NELL1: variants seen among roughly 807,000 people sequenced by gnomAD.
NELL1 encodes the protein protein kinase C-binding protein NELL1.
A neutral mutation model predicts 107.4 loss-of-function variants in NELL1; 76 were observed. That is an observed-to-expected ratio of 0.71 (90% CI 0.59 to 0.86). The LOEUF (loss-of-function observed/expected upper bound fraction) is 0.86. NELL1 is among the 40% of genes least tolerant of loss of function. The pLI, the probability that NELL1 is intolerant of heterozygous loss-of-function variation, is 0.00. For missense variants in NELL1, 1,024 were observed against 1,005.5 expected (o/e 1.02, Z -0.25); for synonymous variants, 353 against 341.2 (o/e 1.03, Z -0.38).
chr11:20,756,484 C>T (rs2133952033), intron 2 of NELL1, among the ~76,000 whole-genome samples: 1 of 150,518 alleles, frequency 6.6e-6, no homozygotes, highest in African/African-American at 2.4e-5. Context: ...GACTTATAGG[C>T]ACCTGAGATG....
chr11:21,056,389 G>A (rs944331126), intron 12 of NELL1, among the ~76,000 whole-genome samples: 29 of 152,152 alleles, frequency 1.9e-4, no homozygotes, highest in African/African-American at 6.5e-4. Flanking sequence ...GTAGCAGAAA[G>A]ACTTCCCCTC....
rs76246921 is a variant in NELL1 at position 20,856,915 on chromosome 11, T to C, written c.506+9162T>C. ...ATCTTATAGATGGGAGGTTTTGAGATGCTAAGTGTAAGGTACATGGATGTG... is the reference window on the plus strand; with the variant it reads ...ATCTTATAGATGGGAGGTTTTGAGACGCTAAGTGTAAGGTACATGGATGTG... On this transcript the variant is annotated intron_variant, in intron 4 of 19. Transcript: ENST00000357134. Among the ~76,000 whole-genome samples, 471 of 152,264 alleles carry C rather than the reference T, an allele frequency of 3.1e-3. 2 individuals carry two copies. The highest frequency in any genetic ancestry group is 0.01 in the Middle Eastern group (3 of 294).
chr11:21,158,866 T>C (rs1036837575), intron 13 of NELL1, among the ~76,000 whole-genome samples: 10 of 152,200 alleles, frequency 6.6e-5, no homozygotes, highest in Admixed American at 1.3e-4. Context: ...CTTAGTTTTT[T>C]ATATATTATC....
intron 14 of NELL1, among the ~76,000 whole-genome samples, chr11:21,261,857 C>T (rs879498887): frequency 5.9e-5 from 9 of 151,894 alleles, no homozygotes; most frequent in Admixed American, 2.0e-4. Context: ...GAGGCAACCA[C>T]TTTCAATGCT....
chr11:21,525,467 A>AC (rs1201872793), intron 15 of NELL1, among the ~76,000 whole-genome samples: 1 of 152,132 alleles, frequency 6.6e-6, no homozygotes, highest in African/African-American at 2.4e-5. Context: ...CTAATGAAGA[A>AC]CCCGAGGTAC....
At chr11:21,205,748 T>C (rs1476115181) in intron 13 of NELL1, among the ~76,000 whole-genome samples, 2 of 152,156 alleles carry the variant, frequency 1.3e-5, no homozygotes, top group African/African-American at 2.4e-5. Flanking sequence ...CTCAACAAAG[T>C]AGATGGTTGT....
intron 14 of NELL1, among the ~76,000 whole-genome samples, chr11:21,370,039 G>A (rs1464962707): frequency 6.6e-6 from 1 of 152,008 alleles, no homozygotes; most frequent in African/African-American, 2.4e-5. Flanking sequence ...AGCAGGGGAT[G>A]GTAATAAATT....
At chr11:21,256,255 A>C (rs1858765650) in intron 14 of NELL1, among the ~76,000 whole-genome samples, 1 of 152,042 alleles carries the variant, frequency 6.6e-6, no homozygotes, top group African/African-American at 2.4e-5. Flanking sequence ...TATATAATGT[A>C]TATTTGCTCT....
intron 14 of NELL1, among the ~76,000 whole-genome samples, chr11:21,347,291 T>G (rs1203598964): frequency 6.6e-6 from 1 of 152,102 alleles, no homozygotes; most frequent in African/African-American, 2.4e-5. Flanking sequence ...GAAAAGAGTT[T>G]GGCTTGTTTG....
intron 13 of NELL1, among the ~76,000 whole-genome samples, chr11:21,132,771 A>G (rs1855652988): frequency 1.4e-5 from 2 of 144,158 alleles, no homozygotes; most frequent in African/African-American, 2.6e-5. Context: ...CATGGTGAGC[A>G]GTGGGGTGGG....
intron 12 of NELL1, among the ~76,000 whole-genome samples, chr11:21,054,877 T>C (rs541872049): frequency 2.0e-5 from 3 of 152,234 alleles, no homozygotes; most frequent in African/African-American, 7.2e-5. Context: ...TGTTCATGAA[T>C]TGTCAGACAT....
chr11:21,069,738 G>A (rs1313797965), intron 12 of NELL1, among the ~76,000 whole-genome samples: 1 of 152,170 alleles, frequency 6.6e-6, no homozygotes, highest in Non-Finnish European at 1.5e-5. Context: ...TTGTGATACT[G>A]TAGGGTGGGA....
intron 9 of NELL1, among the ~76,000 whole-genome samples, chr11:20,936,395 A>C (rs1286491032): frequency 6.6e-6 from 1 of 152,210 alleles, no homozygotes; most frequent in Non-Finnish European, 1.5e-5. Context: ...CATGTACCAC[A>C]GCATCCACTA....
chr11:21,189,515 G>A (rs941089810), intron 13 of NELL1, among the ~76,000 whole-genome samples: 5 of 151,500 alleles, frequency 3.3e-5, no homozygotes, highest in African/African-American at 9.8e-5. Flanking sequence ...TGCTCTCAAG[G>A]TTACCTATAC....
chr11:20,932,705 C>T (rs1385308330), intron 9 of NELL1, among the ~76,000 whole-genome samples: 4 of 152,192 alleles, frequency 2.6e-5, no homozygotes, highest in Non-Finnish European at 1.5e-5. Flanking sequence ...AGTAACTTGT[C>T]CAAGGTCTCC....
At chr11:20,931,450 TA>T (rs1850616320) in intron 9 of NELL1, among the ~76,000 whole-genome samples, 3 of 152,168 alleles carry the variant, frequency 2.0e-5, no homozygotes, top group African/African-American at 7.2e-5. Flanking sequence ...TTGTCCCTTT[TA>T]AATATAAGTA....
intron 3 of NELL1, among the ~76,000 whole-genome samples, chr11:20,798,028 A>G (rs1857208053): frequency 6.6e-6 from 1 of 152,198 alleles, no homozygotes. Context: ...AGACATCTGG[A>G]TTCTGAGATT....
In NELL1 at chr11:21,201,488, C is replaced by A. The variant is rs113905168; in HGVS notation, c.1427-27844C>A. On this transcript the variant is annotated intron_variant, in intron 13 of 19. Transcript: ENST00000357134. The stretch of plus-strand genomic sequence containing the variant: ...TGCACATTGATTTTATATTCTGAGA[C>A]TTTGCAGAAGTTGTTTATCAGCTTA... Among the ~76,000 whole-genome samples the A allele has an allele frequency of 3.6e-3, 543 of 152,308 alleles. 4 individuals are homozygous for A. The highest frequency in any genetic ancestry group is 0.012 in the African/African-American group (487 of 41,568).
intron 13 of NELL1, among the ~76,000 whole-genome samples, chr11:21,122,717 T>G (rs188421797): frequency 7.2e-5 from 11 of 152,306 alleles, no homozygotes; most frequent in African/African-American, 2.4e-4. Context: ...TGCTTCTTCA[T>G]CAGTATTCAC....
Sources: allele counts gnomAD v4.1 joint callset (sites outside exome capture counted in the v4.1 genomes callset), GRCh38; gene constraint gnomAD v4.1.1; transcripts MANE v1.5; gene names NCBI Gene and HGNC (gene_info 2026-07-23, HGNC 2026-07-21).